CLUH: variants seen among roughly 807,000 people sequenced by gnomAD.
The protein encoded by CLUH is clustered mitochondria protein homolog.
Under a neutral mutation model 139.3 loss-of-function variants are expected in CLUH, and 77 were observed. The observed-to-expected ratio is 0.55, with a 90% CI of 0.46 to 0.67. The LOEUF (loss-of-function observed/expected upper bound fraction) is 0.67. Among genes scored for constraint, CLUH ranks in the 30% least tolerant of loss-of-function variants. CLUH has a pLI of 0.00. For synonymous variants in CLUH, 999 were observed against 801.6 expected, an observed-to-expected ratio of 1.25 and a Z score of -4.16; for missense variants, 1,876 against 1,875.8, an observed-to-expected ratio of 1.00 and a Z score of 0.00.
chr17:2,696,047 G>A (rs2069927708), intron 13 of CLUH, 112 bp downstream of exon 13: 1 of 863,678 alleles, frequency 1.2e-6, no homozygotes, highest in South Asian at 1.6e-5. Context: ...CTCAGGGAAA[G>A]CTGAAAAAGT....
Position 2,696,234 on chromosome 17 carries a change from C to G in CLUH, c.2316G>C (p.Gln772His). Residue 772 changes from glutamine (Q) to histidine (H), a missense_variant, in exon 13 of 26, where the codon CAG becomes CAC. Physicochemically the swap from Gln to His is conservative, Grantham distance 24. Coordinates refer to ENST00000651024, the MANE Select transcript of CLUH (RefSeq NM_001366661.1). The part of the protein sequence containing the change: ...SPGVRFPESC[Q>H]DEVRDQKQLL... ...GCTGCTTCTGGTCCCGAACTTCATC[C>G]TGGCAGGACTCAGGGAAACGAACCC... The G allele has an allele frequency of 6.3e-7, 1 of 1,575,104 alleles. No individual in the cohort carries two copies. Among genetic ancestry groups the G allele is most frequent in the Non-Finnish European group, 8.6e-7 (1 of 1,160,972 alleles).
intron 1 of CLUH, among the ~76,000 whole-genome samples, 178 bp downstream of exon 1, chr17:2,711,384 G>A (rs1423053876): frequency 1.3e-5 from 2 of 152,102 alleles, no homozygotes; most frequent in Admixed American, 6.5e-5. Flanking sequence ...AACCCGGGCC[G>A]CAGCCGGGGG....
rs577739020 is a variant in CLUH at position 2,695,524 on chromosome 17, C to T, written c.2394G>A (p.Val798=). 105 of 1,597,646 alleles carry T rather than the reference C, an allele frequency of 6.6e-5. No homozygotes were observed. Among genetic ancestry groups the T allele is most frequent in the Non-Finnish European group, 8.9e-5 (105 of 1,177,060 alleles). ...FLLSCQIPGL[V]KDCMEHAVLP... ...GGACCGCGTGCTCCATGCAGTCCTTCACCTGCGGGCTGCAGCAGCTCAGGC... is the reference window on the plus strand; with the variant it reads ...GGACCGCGTGCTCCATGCAGTCCTTTACCTGCGGGCTGCAGCAGCTCAGGC... Residue 798 remains valine, a splice_region_variant and synonymous_variant, in exon 14 of 26, where the codon GTG becomes GTA. Coordinates refer to ENST00000651024, the MANE Select transcript of CLUH (RefSeq NM_001366661.1).
chr17:2,701,300 AGGTGTCTGCC>A, intron 6 of CLUH, 35 bp from the exon 7 acceptor site: 1 of 1,607,866 alleles, frequency 6.2e-7, no homozygotes, highest in African/African-American at 1.3e-5. Flanking sequence ...GCGGGGGCCC[AGGTGTCTGCC>A]CAGACCCAGG....
chr17:2,701,302 G>T (rs774075741), intron 6 of CLUH, 37 bp from the exon 7 acceptor site: 1 of 1,608,068 alleles, frequency 6.2e-7, no homozygotes, highest in East Asian at 2.2e-5. Flanking sequence ...GGGGGCCCAG[G>T]TGTCTGCCCA....
chr17:2,702,109 C>T, intron 3 of CLUH, 52 bp from the exon 4 acceptor site: 1 of 1,589,494 alleles, frequency 6.3e-7, no homozygotes, highest in Non-Finnish European at 8.6e-7. Context: ...GCACCCTGAA[C>T]AACCTGCCCA....
At chr17:2,697,803 T>C in intron 10 of CLUH, 93 bp downstream of exon 10, 1 of 1,196,902 alleles carries the variant, frequency 8.4e-7, no homozygotes, top group Non-Finnish European at 1.1e-6. Context: ...TCTCCAGCGC[T>C]TCTCCCTTCA....
intron 1 of CLUH, among the ~76,000 whole-genome samples, chr17:2,710,740 G>A (rs2070490044): frequency 6.6e-6 from 1 of 152,188 alleles, no homozygotes; most frequent in Non-Finnish European, 1.5e-5. Context: ...CACTGCCACA[G>A]TCACCACCAT....
At position 2,692,846 on chromosome 17, in the gene CLUH, C is replaced by A; in HGVS notation, c.3246G>T (p.Gln1082His). ...GCTCGCTCATCAGCACCGCCTTCTG[C>A]TGGTTACTCAGGGCCTGGGGAGAGA... The part of the protein sequence containing the change: ...MGDYAEALSN[Q>H]QKAVLMSERV... Residue 1082 changes from glutamine to histidine, a missense_variant, in exon 20 of 26, where the codon CAG becomes CAT. Gln to His is a conservative substitution (Grantham distance 24). This residue lies in a region of CLUH where 1,454 missense variants were observed against 1,384.4 expected (regional missense o/e 1.05). Coordinates refer to ENST00000651024, the MANE Select transcript of CLUH (RefSeq NM_001366661.1). 1 of 1,599,618 alleles carries A rather than the reference C, an allele frequency of 6.3e-7. No homozygotes were observed. The highest frequency in any genetic ancestry group is 8.5e-7 in the Non-Finnish European group (1 of 1,170,988).
rs903120694 is a variant in CLUH at position 2,689,628 on chromosome 17, G to A, written c.*966C>T. The A allele has an allele frequency of 6.5e-6, 1 of 153,128 alleles. No homozygotes were observed. The highest frequency in any genetic ancestry group is 1.5e-5 in the Non-Finnish European group (1 of 68,446). The allele number at this position is 153,128 out of a possible 1,614,324, so 9.5% of individuals were successfully genotyped here. On this transcript the variant is annotated 3_prime_UTR_variant, in exon 26 of 26. Transcript: ENST00000651024. The stretch of plus-strand genomic sequence containing the variant: ...CTCCCCCACCAGGGCTCTGACAGCA[G>A]GCACAGAGCAGCAGCACGGGCAGGG...
chr17:2,704,740 C>A lies in CLUH; in HGVS notation c.101-176G>T, dbSNP rs915018292. ...ACCTGCAGGCCACTTCCACACCCAG[C>A]CGCCCCTCCCAGCCACTGTTCCCTG... is the stretch of plus-strand genomic sequence containing the variant. On this transcript the variant is annotated intron_variant, in intron 1 of 25. Transcript: ENST00000651024. The surrounding 1 kb of genome is among the most constrained non-coding windows in gnomAD (Gnocchi z 5.7). 1.3e-5 allele frequency among the ~76,000 whole-genome samples: 2 copies of A among 152,110 alleles called. No homozygotes were observed. Among genetic ancestry groups the A allele is most frequent in the Non-Finnish European group, 2.9e-5 (2 of 68,006 alleles).
Position 2,700,844 on chromosome 17 carries a change from G to T in CLUH, c.1026-19C>A. 2 of 1,508,024 alleles carry T rather than the reference G, an allele frequency of 1.3e-6. No individual in the cohort carries two copies. The highest frequency in any genetic ancestry group is 1.3e-5 in the South Asian group (1 of 75,094). 93.4% of individuals were successfully genotyped at this position (1,508,024 alleles called of 1,614,324 possible). A position where few individuals can be genotyped will look rare whatever the true frequency, so the allele number is the denominator to read the frequency against. On this transcript the variant is annotated intron_variant, in intron 7 of 25. Transcript: ENST00000651024. ...CTGGACCCTGTGGCAGGCAGGGGAG[G>T]GGGAGATGGGGCAGCCCACCAAGCT...
At position 2,706,196 on chromosome 17, in the gene CLUH, G is replaced by A. The variant is rs2070345281; in HGVS notation, c.101-1632C>T. On this transcript the variant is annotated intron_variant, in intron 1 of 25. Transcript: ENST00000651024. This position sits in a 1 kb window ranked among gnomAD's most constrained non-coding sequence, Gnocchi z 4.6. ...CCAATCCGGACCCACCAGAAACACG[G>A]AGCAGGAGCCTCAGGGAAGGGATGA... Among the ~76,000 whole-genome samples the A allele has an allele frequency of 6.6e-6, 1 of 152,114 alleles. No individual in the cohort carries two copies. Among genetic ancestry groups the A allele is most frequent in the African/African-American group, 2.4e-5 (1 of 41,418 alleles).
In CLUH at chr17:2,691,130, GCCC is replaced by G. The variant is rs10711177; in HGVS notation, c.3864-356_3864-354del. Among the ~76,000 whole-genome samples the G allele has an allele frequency of 4.0e-5, 6 of 150,606 alleles. No individual in the cohort carries two copies. The South Asian group carries it at 8.4e-4, about 21-fold the overall frequency. Reference sequence around the variant, plus strand: ...CGGGGAGCCCGGGGCCTGCTCCTCAGCCCCCCCCCGCCGCAGGATGGGAAGCGT... The same window carrying G: ...CGGGGAGCCCGGGGCCTGCTCCTCAGCCCCCCGCCGCAGGATGGGAAGCGT... On this transcript the variant is annotated intron_variant, in intron 25 of 25. Transcript: ENST00000651024.
Position 2,694,574 on chromosome 17 carries a change from G to C in CLUH, c.2853-10C>G, listed in dbSNP as rs533625740. 5.1e-5 allele frequency: 80 copies of C among 1,566,694 alleles called. No homozygotes were observed. Among genetic ancestry groups the C allele is most frequent in the Non-Finnish European group, 6.4e-5 (74 of 1,155,706 alleles). ...CTGGTCCACGGTCTCACTGAGGAGG[G>C]AGCAGGGGGCCTGAGCAGCCCAAGC... is the stretch of plus-strand genomic sequence containing the variant. On this transcript the variant is annotated splice_polypyrimidine_tract_variant and intron_variant, in intron 16 of 25. Coordinates refer to ENST00000651024, the MANE Select transcript of CLUH (RefSeq NM_001366661.1).
At position 2,704,932 on chromosome 17, in the gene CLUH, T is replaced by C. The variant is rs2070307690; in HGVS notation, c.101-368A>G. Among the ~76,000 whole-genome samples, 1 of 152,108 alleles carries C rather than the reference T, an allele frequency of 6.6e-6. No homozygotes were observed. Among genetic ancestry groups the C allele is most frequent in the Non-Finnish European group, 1.5e-5 (1 of 67,988 alleles). On this transcript the variant is annotated intron_variant, in intron 1 of 25. Coordinates refer to ENST00000651024, the MANE Select transcript of CLUH (RefSeq NM_001366661.1). This position sits in a 1 kb window ranked among gnomAD's most constrained non-coding sequence, Gnocchi z 5.7. ...TCTCCTCTTCTCTGACCCCACACAG[T>C]GCCCTTGCCCCTCCCTCTCCAGCTC...
chr17:2,709,527 C>T (rs2070448674), intron 1 of CLUH, among the ~76,000 whole-genome samples: 2 of 152,168 alleles, frequency 1.3e-5, no homozygotes, highest in Admixed American at 1.3e-4. Context: ...CCTCCTCCTC[C>T]CCCTCTGGGC....
intron 9 of CLUH, among the ~76,000 whole-genome samples, chr17:2,699,416 C>A (rs1201455763): frequency 1.3e-5 from 2 of 152,154 alleles, no homozygotes; most frequent in South Asian, 2.1e-4. Context: ...GCCTCGACTT[C>A]CCCTGGCTCA....
At chr17:2,692,336 G>T in intron 22 of CLUH, 25 bp downstream of exon 22, 1 of 1,530,458 alleles carries the variant, frequency 6.5e-7, no homozygotes, top group African/African-American at 1.4e-5. Flanking sequence ...CGCCGGCCTT[G>T]GCGTTTGGAC....
Sources: allele counts gnomAD v4.1 joint callset (sites outside exome capture counted in the v4.1 genomes callset), GRCh38; gene constraint gnomAD v4.1.1; regional missense constraint gnomAD v4.1.1; non-coding constraint Gnocchi (gnomAD v3.1); transcripts MANE v1.5; gene names NCBI Gene and HGNC (gene_info 2026-07-23, HGNC 2026-07-21).